The following ACACA variants were observed in gnomAD, a reference collection of about 807,000 sequenced individuals.
The protein encoded by ACACA is acetyl-CoA carboxylase 1.
Under a neutral mutation model 296.1 loss-of-function variants are expected in ACACA, and 103 were observed. That is an observed-to-expected ratio of 0.35 (90% CI 0.30 to 0.41). ACACA has a LOEUF of 0.41. Ranked by LOEUF, ACACA falls within the 10% of genes least tolerant of loss-of-function variation. ACACA has a pLI of 1.00. For missense variants in ACACA, 1,554 were observed against 2,989.7 expected (o/e 0.52, Z 11.20); for synonymous variants, 953 against 1,038.6 (o/e 0.92, Z 1.58).
intron 1 of ACACA, among the ~76,000 whole-genome samples, chr17:37,375,448 C>CT (rs916276375): frequency 1.3e-5 from 2 of 152,012 alleles, no homozygotes; most frequent in African/African-American, 4.8e-5. Flanking sequence ...GATCGTGTCA[C>CT]TACACTCCAG....
At chr17:37,383,698 A>T (rs1237786718) in intron 1 of ACACA, among the ~76,000 whole-genome samples, 1 of 152,154 alleles carries the variant, frequency 6.6e-6, no homozygotes, top group African/African-American at 2.4e-5. Context: ...CAGCACCACC[A>T]TGCCCAGCTA....
intron 3 of ACACA, among the ~76,000 whole-genome samples, chr17:37,305,537 G>T (rs1567971332): frequency 6.6e-6 from 1 of 152,282 alleles, no homozygotes; most frequent in Non-Finnish European, 1.5e-5. Flanking sequence ...CAAAGTTCAG[G>T]TTTTTCAAGT....
Position 37,221,254 on chromosome 17 carries a change from T to G in ACACA, c.3683+470A>C, listed in dbSNP as rs749125415. Reference sequence around the variant, plus strand: ...GTAATTTTTAAAAACTGATTGAATTTCAACTGCTAAATTCAGGTGGTCTGT... The same window carrying G: ...GTAATTTTTAAAAACTGATTGAATTGCAACTGCTAAATTCAGGTGGTCTGT... On this transcript the variant is annotated intron_variant, in intron 29 of 55. Transcript: ENST00000616317. 4.4e-4 allele frequency among the ~76,000 whole-genome samples: 67 copies of G among 152,188 alleles called. 1 individual carries two copies. Among genetic ancestry groups the G allele is most frequent in the Non-Finnish European group, 1.2e-4 (8 of 68,034 alleles).
chr17:37,280,578 A>G (rs751375428), intron 5 of ACACA, among the ~76,000 whole-genome samples: 21 of 152,156 alleles, frequency 1.4e-4, no homozygotes, highest in Non-Finnish European at 2.5e-4. Context: ...TAACATGAAG[A>G]ATAATATGGT....
intron 1 of ACACA, chr17:37,375,932 G>A: frequency 1.7e-6 from 1 of 577,546 alleles, no homozygotes; most frequent in South Asian, 2.3e-5. Flanking sequence ...CTATTCCTGG[G>A]TCTTCAGGAA....
Position 37,207,795 on chromosome 17 carries a change from G to T in ACACA, c.3713C>A (p.Ser1238Tyr). Reference sequence around the variant, plus strand: ...ATAGTGGTTGAGGTTGGAGGAGAAGGACATTCTAAATGGTAATTCAATCAC... The same window carrying T: ...ATAGTGGTTGAGGTTGGAGGAGAAGTACATTCTAAATGGTAATTCAATCAC... Reference protein sequence around the residue: ...RGNIPTLNRMSFSSNLNHYGM... With the variant: ...RGNIPTLNRMYFSSNLNHYGM... Residue 1238 changes from serine (S) to tyrosine (Y), a missense_variant, in exon 31 of 56, where the codon TCC (serine) becomes TAC (tyrosine). This residue lies in a region of ACACA where 179 missense variants were observed against 283.2 expected (regional missense o/e 0.63). Coordinates refer to ENST00000616317, the MANE Select transcript of ACACA (RefSeq NM_198834.3). 5.0e-6 allele frequency: 8 copies of T among 1,613,930 alleles called. No homozygotes were observed. The highest frequency in any genetic ancestry group is 6.8e-6 in the Non-Finnish European group (8 of 1,179,802).
intron 1 of ACACA, chr17:37,378,081 A>G: frequency 7.4e-6 from 7 of 943,158 alleles, no homozygotes; most frequent in Non-Finnish European, 1.1e-5. Context: ...TATTTTAAGG[A>G]TATGTATCCT....
At chr17:37,257,929 T>G (rs1224665543) in intron 13 of ACACA, 63 bp from the exon 14 acceptor site, 9 of 1,583,542 alleles carry the variant, frequency 5.7e-6, no homozygotes, top group Non-Finnish European at 6.9e-6. Context: ...ATTTATATAT[T>G]CATTGTTTAA....
intron 43 of ACACA, among the ~76,000 whole-genome samples, chr17:37,153,884 A>T (rs2076140067): frequency 6.6e-6 from 1 of 152,176 alleles, no homozygotes; most frequent in Non-Finnish European, 1.5e-5. Flanking sequence ...CACTCATATA[A>T]ATGGAAAAAC....
At chr17:37,184,737 T>C (rs2077458915) in intron 39 of ACACA, among the ~76,000 whole-genome samples, 1 of 151,324 alleles carries the variant, frequency 6.6e-6, no homozygotes, top group Non-Finnish European at 1.5e-5. Flanking sequence ...TAGTCCCAGC[T>C]ACTTAGGAGG....
intron 1 of ACACA, among the ~76,000 whole-genome samples, chr17:37,367,224 A>C (rs2049639534): frequency 6.7e-6 from 1 of 149,754 alleles, no homozygotes; most frequent in African/African-American, 2.5e-5. Context: ...TTATTGGAAA[A>C]AGAAAAAAAA....
chr17:37,234,527 A>T (rs998535821), intron 25 of ACACA, among the ~76,000 whole-genome samples: 1 of 152,212 alleles, frequency 6.6e-6, no homozygotes, highest in African/African-American at 2.4e-5. Flanking sequence ...TGCAGAATAC[A>T]TTTAAATTTC....
At chr17:37,344,417 G>A (rs2048523490) in intron 1 of ACACA, among the ~76,000 whole-genome samples, 1 of 152,062 alleles carries the variant, frequency 6.6e-6, no homozygotes, top group Non-Finnish European at 1.5e-5. Context: ...AATTAGCGGG[G>A]CGTGGTGGTG....
intron 30 of ACACA, among the ~76,000 whole-genome samples, chr17:37,209,692 T>C (rs2078662682): frequency 6.6e-6 from 1 of 152,244 alleles, no homozygotes; most frequent in Admixed American, 6.5e-5. Flanking sequence ...AATCTATAAA[T>C]AGTTCCACGT....
chr17:37,275,863 T>C, intron 8 of ACACA, 88 bp downstream of exon 8: 1 of 1,101,242 alleles, frequency 9.1e-7, no homozygotes, highest in South Asian at 1.2e-5. Flanking sequence ...TTGTCAAGTA[T>C]ACCAATACTT....
chr17:37,232,819 A>AT (rs966550561), intron 25 of ACACA, among the ~76,000 whole-genome samples: 2 of 151,936 alleles, frequency 1.3e-5, no homozygotes, highest in African/African-American at 4.8e-5. Context: ...CAAAATAAAG[A>AT]AAGGGACAAA....
chr17:37,352,662 T>A (rs1242902978), intron 1 of ACACA, among the ~76,000 whole-genome samples: 1 of 150,700 alleles, frequency 6.6e-6, no homozygotes, highest in African/African-American at 2.4e-5. Flanking sequence ...GAGGCTGCAG[T>A]GAGGCTACAG....
chr17:37,369,512 A>C (rs1041123513), intron 1 of ACACA: 2 of 151,974 alleles, frequency 1.3e-5, no homozygotes, highest in East Asian at 3.9e-4. Flanking sequence ...CAACAACAAA[A>C]AAATGGGCAA....
At position 37,278,021 on chromosome 17, in the gene ACACA, A is replaced by C. The variant is rs2082350179; in HGVS notation, c.611-16T>G. ...TTAATGTATTCTGAAAATGCAAGCG[A>C]ATTAATAGAGAACACATGATTTTTT... On this transcript the variant is annotated splice_polypyrimidine_tract_variant and intron_variant, in intron 5 of 55. Coordinates refer to ENST00000616317, the MANE Select transcript of ACACA (RefSeq NM_198834.3). 6.3e-7 allele frequency: 1 copy of C among 1,582,448 alleles called. No homozygotes were observed. Among genetic ancestry groups the C allele is most frequent in the African/African-American group, 1.3e-5 (1 of 74,262 alleles).
Sources: allele counts gnomAD v4.1 joint callset (sites outside exome capture counted in the v4.1 genomes callset), GRCh38; gene constraint gnomAD v4.1.1; regional missense constraint gnomAD v4.1.1; transcripts MANE v1.5; gene names NCBI Gene and HGNC (gene_info 2026-07-23, HGNC 2026-07-21).